The following AMPH variants were observed in gnomAD, a reference collection of about 807,000 sequenced individuals.
AMPH encodes the protein amphiphysin (Stiff-Mann syndrome with breast cancer 128kD autoantigen).
In AMPH, 49 loss-of-function variants were observed where a neutral mutation model predicts 99.1. The observed-to-expected ratio is 0.49, with a 90% confidence interval of 0.39 to 0.63. The LOEUF (loss-of-function observed/expected upper bound fraction) is 0.63, where lower values mean the gene tolerates loss of function less well. AMPH is among the 20% of genes least tolerant of loss of function. The pLI is 0.00. For synonymous variants in AMPH, 314 were observed against 317.3 expected, an observed-to-expected ratio of 0.99 and a Z score of 0.11; for missense variants, 759 against 863.4, an observed-to-expected ratio of 0.88 and a Z score of 1.52.
chr7:38,490,911 C>A lies in AMPH; in HGVS notation c.396+139G>T. The A allele has an allele frequency of 3.5e-6, 2 of 574,194 alleles. 1 individual carries two copies. Among genetic ancestry groups the A allele is most frequent in the South Asian group, 5.4e-5 (2 of 36,778 alleles). 35.6% of individuals were successfully genotyped at this position (574,194 alleles called of 1,614,324 possible). ...AAACTGATAGGAACAACATAAAAAT[C>A]CCACGCTTAAATAAATGAAAAGTTA... is the stretch of plus-strand genomic sequence containing the variant. On this transcript the variant is annotated intron_variant, in intron 5 of 20. Coordinates refer to ENST00000356264, the MANE Select transcript of AMPH (RefSeq NM_001635.4).
At chr7:38,505,026 A>C (rs2129027951) in intron 2 of AMPH, among the ~76,000 whole-genome samples, 1 of 152,120 alleles carries the variant, frequency 6.6e-6, no homozygotes, top group Admixed American at 6.6e-5. Context: ...TGGTGGGGGG[A>C]CCCTCTTTCC....
At chr7:38,466,485 A>C (rs1019921632) in intron 7 of AMPH, among the ~76,000 whole-genome samples, 4 of 151,886 alleles carry the variant, frequency 2.6e-5, no homozygotes, top group Non-Finnish European at 5.9e-5. Context: ...CAGTGCCTTA[A>C]GACAGTGATT....
chr7:38,576,181 G>T (rs1313831872), intron 1 of AMPH, among the ~76,000 whole-genome samples: 1 of 152,168 alleles, frequency 6.6e-6, no homozygotes, highest in Non-Finnish European at 1.5e-5. Context: ...AACCATCATT[G>T]CTGGAGAATT....
chr7:38,449,358 G>A (rs1215440127), intron 11 of AMPH, among the ~76,000 whole-genome samples: 1 of 152,184 alleles, frequency 6.6e-6, no homozygotes, highest in Non-Finnish European at 1.5e-5. Flanking sequence ...GCAAGGTTCA[G>A]CAGAAAGACG....
intron 20 of AMPH, among the ~76,000 whole-genome samples, chr7:38,388,816 A>T (rs1283990198): frequency 4.6e-5 from 7 of 151,924 alleles, no homozygotes; most frequent in South Asian, 4.1e-4. Context: ...ATTAAAAAAA[A>T]AATTTTTTGT....
At chr7:38,475,474 G>C in intron 6 of AMPH, 58 bp from the exon 7 acceptor site, 1 of 1,108,528 alleles carries the variant, frequency 9.0e-7, no homozygotes, top group Non-Finnish European at 1.4e-6. Flanking sequence ...ATACACAACA[G>C]CATCATTTAA....
At chr7:38,532,316 G>A (rs1320799612) in intron 2 of AMPH, among the ~76,000 whole-genome samples, 1 of 152,080 alleles carries the variant, frequency 6.6e-6, no homozygotes, top group African/African-American at 2.4e-5. Flanking sequence ...ATAGGAAAAT[G>A]CTAGATATTT....
intron 1 of AMPH, among the ~76,000 whole-genome samples, chr7:38,562,321 A>G (rs1791583002): frequency 6.6e-6 from 1 of 152,232 alleles, no homozygotes. Context: ...TAGTTGTCTG[A>G]CAGGGAGAGG....
chr7:38,603,687 G>A (rs960226894), intron 1 of AMPH, among the ~76,000 whole-genome samples: 1 of 152,144 alleles, frequency 6.6e-6, no homozygotes, highest in Non-Finnish European at 1.5e-5. Flanking sequence ...TTCCATGGAG[G>A]TTCTGAAACC....
intron 1 of AMPH, among the ~76,000 whole-genome samples, chr7:38,611,571 C>G (rs180746381): frequency 7.9e-5 from 12 of 152,314 alleles, no homozygotes; most frequent in Admixed American, 5.9e-4. Context: ...CCTCTACATA[C>G]AGCCTTAATG....
intron 17 of AMPH, among the ~76,000 whole-genome samples, chr7:38,397,071 G>A (rs888229940): frequency 1.3e-5 from 2 of 152,128 alleles, no homozygotes; most frequent in Admixed American, 6.5e-5. Flanking sequence ...ACATGCAGAC[G>A]GTATGGACAA....
intron 1 of AMPH, among the ~76,000 whole-genome samples, chr7:38,588,308 C>A (rs1584277423): frequency 6.6e-6 from 1 of 152,146 alleles, no homozygotes; most frequent in South Asian, 2.1e-4. Flanking sequence ...CATCTTATCC[C>A]AAATAGTATT....
chr7:38,432,101 TTC>T (rs1299176124), intron 13 of AMPH, 86 bp downstream of exon 13: 1 of 1,157,598 alleles, frequency 8.6e-7, no homozygotes, highest in East Asian at 2.3e-5. Context: ...TGTGTCTTCT[TTC>T]TGTTGCAAAT....
intron 1 of AMPH, among the ~76,000 whole-genome samples, chr7:38,583,741 A>G (rs1792548338): frequency 6.6e-6 from 1 of 152,222 alleles, no homozygotes; most frequent in Non-Finnish European, 1.5e-5. Context: ...ACAAAACTGC[A>G]ATAGAGAGGG....
intron 11 of AMPH, among the ~76,000 whole-genome samples, chr7:38,451,266 TGC>T (rs1787005184): frequency 1.4e-5 from 2 of 142,722 alleles, no homozygotes; most frequent in Admixed American, 7.2e-5. Flanking sequence ...TATTTATGTG[TGC>T]ATATACATGT....
intron 1 of AMPH, among the ~76,000 whole-genome samples, chr7:38,540,230 G>C (rs1019020040): frequency 6.6e-6 from 1 of 152,182 alleles, no homozygotes; most frequent in Admixed American, 6.5e-5. Context: ...CATCTACATT[G>C]ACACGTTAGT....
intron 1 of AMPH, among the ~76,000 whole-genome samples, chr7:38,566,658 G>A (rs534180584): frequency 6.6e-6 from 1 of 152,046 alleles, no homozygotes; most frequent in African/African-American, 2.4e-5. Context: ...TCTGACAAAG[G>A]GCTAATATCC....
intron 1 of AMPH, among the ~76,000 whole-genome samples, chr7:38,606,516 C>T (rs1584297562): frequency 6.7e-6 from 1 of 150,212 alleles, no homozygotes; most frequent in African/African-American, 2.4e-5. Context: ...TTTCACTTAG[C>T]ATGTTTTCTA....
At chr7:38,618,242 G>A (rs1046153976) in intron 1 of AMPH, among the ~76,000 whole-genome samples, 14 of 151,938 alleles carry the variant, frequency 9.2e-5, no homozygotes, top group Non-Finnish European at 1.9e-4. Context: ...GCCAGGCGCG[G>A]TGGCTCACAC....
Sources: allele counts gnomAD v4.1 joint callset (sites outside exome capture counted in the v4.1 genomes callset), GRCh38; gene constraint gnomAD v4.1.1; transcripts MANE v1.5; gene names NCBI Gene and HGNC (gene_info 2026-07-23, HGNC 2026-07-21).